EGFLAM: variants seen among roughly 807,000 people sequenced by gnomAD.
EGFLAM encodes pikachurin.
A neutral mutation model predicts 113.1 loss-of-function variants in EGFLAM; 79 were observed. The ratio of observed to expected loss-of-function variants is 0.70; its 90% confidence interval spans 0.58 to 0.84. EGFLAM has a LOEUF of 0.84. EGFLAM is among the 40% of genes least tolerant of loss of function. EGFLAM has a pLI of 0.00. For missense variants in EGFLAM, 1,265 were observed against 1,291.6 expected (o/e 0.98, Z 0.32); for synonymous variants, 504 against 487.6 (o/e 1.03, Z -0.44).
At chr5:38,406,070 C>A (rs752048378) in intron 6 of EGFLAM, 56 bp from the exon 7 acceptor site, 16 of 1,390,180 alleles carry the variant, frequency 1.2e-5, no homozygotes, top group African/African-American at 4.2e-5. Flanking sequence ...TTAGGCTAGA[C>A]AATAGTGCAA....
intron 15 of EGFLAM, 45 bp downstream of exon 15, chr5:38,431,333 A>G (rs1368440383): frequency 6.3e-7 from 1 of 1,580,502 alleles, no homozygotes; most frequent in East Asian, 2.3e-5. Flanking sequence ...TGTGAGCCAG[A>G]TTACTGTTTT....
At chr5:38,346,607 A>G (rs1018001641) in intron 3 of EGFLAM, 33 of 152,232 alleles carry the variant, frequency 2.2e-4, no homozygotes, top group Non-Finnish European at 1.5e-5. Context: ...GTTTGGTATT[A>G]AGTGATATCT....
intron 19 of EGFLAM, 125 bp downstream of exon 19, chr5:38,451,583 TCAAGGCTTATTGGAAGCTC>T: frequency 7.2e-7 from 1 of 1,379,782 alleles, no homozygotes; most frequent in Non-Finnish European, 9.8e-7. Context: ...GCCTGAAGCT[TCAAGGCTTATTGGAAGCTC>T]CTGGTCTTTC....
At chr5:38,355,167 C>T (rs966154741) in intron 5 of EGFLAM, among the ~76,000 whole-genome samples, 1 of 152,164 alleles carries the variant, frequency 6.6e-6, no homozygotes, top group African/African-American at 2.4e-5. Flanking sequence ...TTAGTGAAGT[C>T]ACTGCTGTAG....
chr5:38,392,620 C>CT (rs548367655), intron 6 of EGFLAM, among the ~76,000 whole-genome samples: 19,946 of 145,012 alleles, frequency 0.14, 1,361 homozygotes, highest in Non-Finnish European at 0.15. Context: ...AGAATCTATT[C>CT]TTTTTTTTTG....
At chr5:38,259,178 A>G (rs1341513086) in intron 1 of EGFLAM, among the ~76,000 whole-genome samples, 1 of 152,216 alleles carries the variant, frequency 6.6e-6, no homozygotes, top group African/African-American at 2.4e-5. Flanking sequence ...AACCATGCAG[A>G]GGAGTCAAAC....
chr5:38,371,138 G>GT (rs1289052972), intron 6 of EGFLAM, among the ~76,000 whole-genome samples: 2 of 152,280 alleles, frequency 1.3e-5, no homozygotes, highest in South Asian at 2.1e-4. Context: ...CATTTTAGAC[G>GT]TTTTTTGTAT....
rs557896669 is a variant in EGFLAM at position 38,461,074 on chromosome 5, T to A, written c.2772-1834T>A. 6 of 152,376 alleles carry A rather than the reference T, an allele frequency of 3.9e-5. No individual in the cohort carries two copies. In the South Asian group the frequency reaches 8.3e-4, roughly 21 times the overall value. 9.4% of individuals were successfully genotyped at this position (152,376 alleles called of 1,614,324 possible). On this transcript the variant is annotated intron_variant, in intron 20 of 21. Transcript: ENST00000322350. ...TGATAACAATAACAACACACTCCTC[T>A]ACCAGTCTTTATAGAGCAAGATGTG...
At chr5:38,329,895 G>T (rs752470794) in intron 1 of EGFLAM, among the ~76,000 whole-genome samples, 46 of 152,080 alleles carry the variant, frequency 3.0e-4, no homozygotes, top group Non-Finnish European at 2.5e-4. Flanking sequence ...ACAGTGCCTG[G>T]TATGTATAGG....
intron 1 of EGFLAM, among the ~76,000 whole-genome samples, chr5:38,305,804 C>G (rs768113798): frequency 6.6e-6 from 1 of 152,176 alleles, no homozygotes; most frequent in Non-Finnish European, 1.5e-5. Context: ...GCATGTCACC[C>G]TCTCGCTGTG....
intron 1 of EGFLAM, among the ~76,000 whole-genome samples, chr5:38,273,005 A>G (rs1233288568): frequency 1.3e-5 from 2 of 151,682 alleles, no homozygotes; most frequent in Non-Finnish European, 3.0e-5. Context: ...TATTTGAATA[A>G]CTATCCATGC....
chr5:38,454,396 C>A (rs968292247), intron 19 of EGFLAM, among the ~76,000 whole-genome samples: 8 of 151,998 alleles, frequency 5.3e-5, no homozygotes, highest in Admixed American at 5.2e-4. Context: ...AGCCTCTGTC[C>A]CCTCCTTGCA....
intron 3 of EGFLAM, among the ~76,000 whole-genome samples, chr5:38,346,708 G>A (rs1306265798): frequency 6.6e-6 from 1 of 152,152 alleles, no homozygotes; most frequent in Non-Finnish European, 1.5e-5. Context: ...AACTGGGAGA[G>A]TGCTGTGTTG....
rs764301110 is a variant in EGFLAM, at chr5:38,448,329, G to A, written c.2493G>A (p.Gln831=). ...KAIIEAIEIP[Q]FIGRSYLTYD... The stretch of plus-strand genomic sequence containing the variant: ...TCATAGAAGCCATTGAGATCCCGCA[G>A]TTTATCGGCCGCAGTTACCTGACGT... The change falls in exon 18 of 22, where the codon CAG becomes CAA. Residue 831 remains glutamine, a synonymous_variant. Coordinates refer to ENST00000322350, the MANE Select transcript of EGFLAM (RefSeq NM_152403.4). The A allele has an allele frequency of 7.4e-6, 12 of 1,614,190 alleles. No individual in the cohort carries two copies. The highest frequency in any genetic ancestry group is 5.1e-6 in the Non-Finnish European group (6 of 1,180,036).
chr5:38,279,260 A>G (rs1469977452), intron 1 of EGFLAM, among the ~76,000 whole-genome samples: 1 of 152,228 alleles, frequency 6.6e-6, no homozygotes, highest in Non-Finnish European at 1.5e-5. Flanking sequence ...ATTTTTATTT[A>G]CTATTGGTGG....
chr5:38,333,028 C>A (rs1739085928), intron 1 of EGFLAM, among the ~76,000 whole-genome samples: 1 of 152,202 alleles, frequency 6.6e-6, no homozygotes, highest in Non-Finnish European at 1.5e-5. Context: ...ATTCAGCTCC[C>A]ACTTATAAGT....
chr5:38,387,666 T>C lies in EGFLAM; in HGVS notation c.712+17204T>C, dbSNP rs149462076. Reference sequence around the variant, plus strand: ...GCGATGCTTCAATGCTTGGAAGCCCTGAGCTGCGCTCCTGGTTCCTCCTCT... The same window carrying C: ...GCGATGCTTCAATGCTTGGAAGCCCCGAGCTGCGCTCCTGGTTCCTCCTCT... On this transcript the variant is annotated intron_variant, in intron 6 of 21. Coordinates refer to ENST00000322350, the MANE Select transcript of EGFLAM (RefSeq NM_152403.4). 1.7e-3 allele frequency among the ~76,000 whole-genome samples: 259 copies of C among 152,400 alleles called. 1 individual carries two copies. The highest frequency in any genetic ancestry group is 5.6e-3 in the African/African-American group (235 of 41,602).
chr5:38,375,963 C>T (rs1236497602), intron 6 of EGFLAM, among the ~76,000 whole-genome samples: 2 of 152,140 alleles, frequency 1.3e-5, no homozygotes, highest in Non-Finnish European at 2.9e-5. Flanking sequence ...TCCTGGGAGG[C>T]GTTCCACACA....
chr5:38,432,229 A>G (rs143534812), intron 15 of EGFLAM, among the ~76,000 whole-genome samples: 1 of 152,292 alleles, frequency 6.6e-6, no homozygotes, highest in East Asian at 1.9e-4. Context: ...GGGTATATTA[A>G]TAAGCAAATA....
Sources: gnomAD v4.1 joint callset for allele counts (sites outside exome capture counted in the v4.1 genomes callset) on GRCh38, gnomAD v4.1.1 for gene constraint, MANE v1.5 for transcripts, NCBI Gene and HGNC (gene_info 2026-07-23, HGNC 2026-07-21) for gene names.